CSMD3: variants seen among roughly 807,000 people sequenced by gnomAD.
CSMD3 encodes CUB and sushi domain-containing protein 3.
A neutral mutation model predicts 435.2 loss-of-function variants in CSMD3; 177 were observed. The ratio of observed to expected loss-of-function variants is 0.41; its 90% CI spans 0.36 to 0.46. The LOEUF (loss-of-function observed/expected upper bound fraction) is 0.46, where lower values mean the gene tolerates loss of function less well. CSMD3 is among the 20% of genes least tolerant of loss of function. The pLI, the probability that CSMD3 is intolerant of heterozygous loss-of-function variation, is 0.34. For missense variants in CSMD3, 4,265 were observed against 4,504.6 expected (o/e 0.95, Z 1.52); for synonymous variants, 1,656 against 1,520.5 (o/e 1.09, Z -2.07).
chr8:113,334,582 T>C (rs1286749124), intron 1 of CSMD3, among the ~76,000 whole-genome samples: 1 of 152,080 alleles, frequency 6.6e-6, no homozygotes, highest in Non-Finnish European at 1.5e-5. Context: ...CAGTGATACC[T>C]GCTTCATGAA....
At chr8:113,386,640 C>G (rs2094440442) in intron 1 of CSMD3, among the ~76,000 whole-genome samples, 1 of 151,496 alleles carries the variant, frequency 6.6e-6, no homozygotes. Flanking sequence ...ATTTTAACCC[C>G]CAAAGCAACA....
At position 112,976,042 on chromosome 8, in the gene CSMD3, T is replaced by C. The variant is rs771676956; in HGVS notation, c.1137A>G (p.Val379=). The change falls in exon 7 of 71, where the codon GTA becomes GTG. Residue 379 remains valine (V), a synonymous_variant. Transcript: ENST00000297405. ...GGATGGTGACAGCTGTAACACTGGA[T>C]ACAGTAACATCTGCAGGTGTGCTAG... ...AVASTPADVT[V]SSVTAVTIHR... 6.2e-7 allele frequency: 1 copy of C among 1,614,022 alleles called. No homozygotes were observed. Among genetic ancestry groups the C allele is most frequent in the South Asian group, 1.1e-5 (1 of 91,082 alleles).
intron 16 of CSMD3, among the ~76,000 whole-genome samples, chr8:112,674,641 GAACTA>G (rs2075732720): frequency 6.6e-6 from 1 of 152,060 alleles, no homozygotes; most frequent in Admixed American, 6.6e-5. Context: ...CAAACTGTTT[GAACTA>G]AACAGCTCTC....
chr8:113,417,438 GT>G (rs899378232), intron 1 of CSMD3, among the ~76,000 whole-genome samples: 1 of 151,814 alleles, frequency 6.6e-6, no homozygotes, highest in Non-Finnish European at 1.5e-5. Context: ...AACAAAGTCT[GT>G]TTTTGTGAAA....
chr8:112,244,322 G>T, intron 65 of CSMD3, 72 bp downstream of exon 65: 1 of 1,329,386 alleles, frequency 7.5e-7, no homozygotes, highest in Non-Finnish European at 1.1e-6. Context: ...TTTGAGTTGA[G>T]TTTTTGTCTG....
At chr8:113,019,889 C>A (rs1445723335) in intron 5 of CSMD3, among the ~76,000 whole-genome samples, 10 of 151,982 alleles carry the variant, frequency 6.6e-5, no homozygotes, top group Non-Finnish European at 1.5e-4. Flanking sequence ...TCTGGCCGGG[C>A]GCGGTGGCTC....
At chr8:112,991,178 A>AAT (rs777856279) in intron 6 of CSMD3, among the ~76,000 whole-genome samples, 17 of 151,392 alleles carry the variant, frequency 1.1e-4, no homozygotes, top group East Asian at 3.9e-4. Context: ...TGCTGAATTA[A>AAT]ATATATATAT....
chr8:113,096,525 A>G (rs1436095745), intron 5 of CSMD3, among the ~76,000 whole-genome samples: 1 of 151,952 alleles, frequency 6.6e-6, no homozygotes. Flanking sequence ...TTTCCCTCCT[A>G]TAGTTTATTC....
intron 30 of CSMD3, 73 bp downstream of exon 30, chr8:112,503,717 A>T (rs2130913569): frequency 1.9e-6 from 2 of 1,070,118 alleles, no homozygotes; most frequent in Non-Finnish European, 2.8e-6. Flanking sequence ...ACAATGGGCC[A>T]TACCAAATTA....
At chr8:112,800,825 A>G (rs2078943825) in intron 12 of CSMD3, among the ~76,000 whole-genome samples, 1 of 152,042 alleles carries the variant, frequency 6.6e-6, no homozygotes, top group African/African-American at 2.4e-5. Context: ...TTAAAGAAAT[A>G]TGCTGCAAAT....
chr8:112,911,114 T>C (rs2082398784), intron 10 of CSMD3, among the ~76,000 whole-genome samples: 1 of 151,888 alleles, frequency 6.6e-6, no homozygotes. Context: ...TCTCTACATT[T>C]TCTTATCATT....
chr8:112,919,928 T>G (rs913407618), intron 10 of CSMD3, among the ~76,000 whole-genome samples: 1 of 151,878 alleles, frequency 6.6e-6, no homozygotes, highest in African/African-American at 2.4e-5. Flanking sequence ...GACAATGTTT[T>G]TTGGGTGTAA....
chr8:113,179,487 T>A (rs2092393414), intron 3 of CSMD3, among the ~76,000 whole-genome samples: 2 of 151,710 alleles, frequency 1.3e-5, no homozygotes, highest in South Asian at 2.1e-4. Context: ...CTCCGAATCA[T>A]AAAGGAAATC....
intron 22 of CSMD3, among the ~76,000 whole-genome samples, chr8:112,623,903 T>G (rs1834276152): frequency 6.6e-6 from 1 of 151,998 alleles, no homozygotes; most frequent in Non-Finnish European, 1.5e-5. Context: ...GATGAGTGAA[T>G]AAATGAATGA....
At chr8:113,387,008 T>C (rs879435429) in intron 1 of CSMD3, among the ~76,000 whole-genome samples, 1 of 151,806 alleles carries the variant, frequency 6.6e-6, no homozygotes, top group Admixed American at 6.6e-5. Flanking sequence ...GGGAAAATGA[T>C]CTTTTTGAGC....
chr8:113,421,678 T>C (rs773289818), intron 1 of CSMD3, among the ~76,000 whole-genome samples: 4 of 152,030 alleles, frequency 2.6e-5, no homozygotes, highest in African/African-American at 4.8e-5. Context: ...GCCCTTCCCA[T>C]CCTCCTCTTC....
In CSMD3 at chr8:112,976,087, G is replaced by A. The variant is rs1420915117; in HGVS notation, c.1092C>T (p.Thr364=). ...TGCTAGCAACAGCAATAGCACCAGT[G>A]GTAGTCCTGTTATGCTCCTCTAACT... ...TGELEEHNRT[T]TGAIAVASTP... is the part of the protein sequence containing the mutation. The change falls in exon 7 of 71, where the codon ACC becomes ACT. Residue 364 remains threonine (T), a synonymous_variant. Coordinates refer to ENST00000297405, the MANE Select transcript of CSMD3 (RefSeq NM_198123.2). The A allele has an allele frequency of 2.5e-6, 4 of 1,613,890 alleles. No homozygotes were observed. Among genetic ancestry groups the A allele is most frequent in the Non-Finnish European group, 3.4e-6 (4 of 1,179,946 alleles).
At chr8:112,497,829 A>G (rs1237505741) in intron 30 of CSMD3, among the ~76,000 whole-genome samples, 2 of 152,122 alleles carry the variant, frequency 1.3e-5, no homozygotes, top group Non-Finnish European at 2.9e-5. Flanking sequence ...AAGGAAGCTG[A>G]TAAGACAGAC....
intron 5 of CSMD3, among the ~76,000 whole-genome samples, chr8:113,051,371 T>A (rs2044233329): frequency 6.6e-6 from 1 of 152,152 alleles, no homozygotes; most frequent in South Asian, 2.1e-4. Flanking sequence ...ATACTTTGGG[T>A]ATTTGTCAAA....
Sources: allele counts gnomAD v4.1 joint callset (sites outside exome capture counted in the v4.1 genomes callset), GRCh38; gene constraint gnomAD v4.1.1; transcripts MANE v1.5; gene names NCBI Gene and HGNC (gene_info 2026-07-23, HGNC 2026-07-21).